The following TMEM263 variants were observed in gnomAD, a reference collection of about 807,000 sequenced individuals.
TMEM263 encodes UPF0444 transmembrane protein C12orf23.
TMEM263 carries 5 observed loss-of-function variants against 8.6 expected under a neutral mutation model. The ratio of observed to expected loss-of-function variants is 0.58; its 90% CI spans 0.31 to 1.23. TMEM263 has a LOEUF of 1.23. Among genes scored for constraint, TMEM263 ranks in the 50% most tolerant of loss-of-function variants. The probability of loss-of-function intolerance (pLI) is 0.07; values close to 1 mark genes in which losing one functional copy is unlikely to be tolerated. For synonymous variants in TMEM263, 50 were observed against 47.9 expected (o/e 1.04, Z -0.18); for missense variants, 104 against 138.8 (o/e 0.75, Z 1.26).
At chr12:106,961,129 A>G (rs1425559670) in intron 2 of TMEM263, among the ~76,000 whole-genome samples, 1 of 150,872 alleles carries the variant, frequency 6.6e-6, no homozygotes, top group Non-Finnish European at 1.5e-5. Flanking sequence ...ATCATGGCTC[A>G]CTGCAGCTGC....
At chr12:106,967,358 A>G (rs1023544301) in intron 3 of TMEM263, 178 bp downstream of exon 3, 1 of 450,580 alleles carries the variant, frequency 2.2e-6, no homozygotes, top group Non-Finnish European at 3.9e-6. Flanking sequence ...TCCTGGGTTC[A>G]AGCAGTTCTC....
Position 106,971,133 on chromosome 12 carries a change from G to T in TMEM263, c.93G>T (p.Gln31His). Residue 31 changes from glutamine to histidine, a missense_variant, in exon 4 of 4, where the codon CAG (glutamine) becomes CAT (histidine). Coordinates refer to ENST00000280756, the MANE Select transcript of TMEM263 (RefSeq NM_152261.4). ...CAATGAAAGATCACCCACAGCAGCAGCCAGGCATGTTGTCCCGTGTGACTG... is the reference window on the plus strand; with the variant it reads ...CAATGAAAGATCACCCACAGCAGCATCCAGGCATGTTGTCCCGTGTGACTG... Reference protein sequence around the residue: ...EGSMKDHPQQQPGMLSRVTGG... With the variant: ...EGSMKDHPQQHPGMLSRVTGG... The T allele has an allele frequency of 6.2e-7, 1 of 1,614,196 alleles. No individual in the cohort carries two copies. The highest frequency in any genetic ancestry group is 8.5e-7 in the Non-Finnish European group (1 of 1,180,036).
At chr12:106,956,917 C>T (rs1485585251) in intron 1 of TMEM263, 165 bp from the exon 2 acceptor site, 2 of 194,144 alleles carry the variant, frequency 1.0e-5, no homozygotes, top group South Asian at 1.7e-4. Flanking sequence ...TTGCTAGTGC[C>T]TAAAGGGATC....
rs1352551732 is a variant in TMEM263, at chr12:106,973,783, C to G, written c.*2392C>G. 6.6e-6 allele frequency: 1 copy of G among 152,598 alleles called. No homozygotes were observed. Among genetic ancestry groups the G allele is most frequent in the Non-Finnish European group, 1.5e-5 (1 of 68,034 alleles). The allele number at this position is 152,598 out of a possible 1,614,324, so 9.5% of individuals were successfully genotyped here. A position where few individuals can be genotyped will look rare whatever the true frequency, so the allele number is the denominator to read the frequency against. On this transcript the variant is annotated 3_prime_UTR_variant, in exon 4 of 4. Coordinates refer to ENST00000280756, the MANE Select transcript of TMEM263 (RefSeq NM_152261.4). The stretch of plus-strand genomic sequence containing the variant: ...TATACACCTGGAGGCATCTGTTATT[C>G]AGCTTATCCTTTGAGTGGGTATTTG...
In TMEM263 at chr12:106,971,546, G is replaced by A. The variant is rs74418526; in HGVS notation, c.*155G>A. ...GACTGGCTTTCATCTAAAAAGAAGA[G>A]ACCAATACGAGCACAGTATATGAAG... On this transcript the variant is annotated 3_prime_UTR_variant, in exon 4 of 4. Transcript: ENST00000280756. 1,462 of 744,252 alleles carry A rather than the reference G, an allele frequency of 2.0e-3. 22 individuals are homozygous for A. The African/African-American group carries it at 0.024, about 12-fold the overall frequency. 46.1% of individuals were successfully genotyped at this position (744,252 alleles called of 1,614,324 possible).
intron 1 of TMEM263, 50 bp downstream of exon 1, chr12:106,956,115 C>T (rs1326124727): frequency 6.0e-5 from 56 of 925,622 alleles, no homozygotes; most frequent in Non-Finnish European, 7.1e-5. Flanking sequence ...GCTTCCTGCC[C>T]TCCTCCGTCG....
rs1436893604 is a variant in TMEM263, at chr12:106,971,474, C to T, written c.*83C>T. The T allele has an allele frequency of 2.9e-6, 4 of 1,381,108 alleles. No homozygotes were observed. The African/African-American group carries it at 4.4e-5, about 15-fold the overall frequency. The allele number at this position is 1,381,108 out of a possible 1,614,324, so 85.6% of individuals were successfully genotyped here. The stretch of plus-strand genomic sequence containing the variant: ...AAATTATGGACTACAACCAAGTCAA[C>T]TGTTTTGGACGTTTATCTTCTAAAC... On this transcript the variant is annotated 3_prime_UTR_variant, in exon 4 of 4. Transcript: ENST00000280756.
Position 106,971,263 on chromosome 12 carries a change from G to C in TMEM263, c.223G>C (p.Val75Leu). The change falls in exon 4 of 4, where the codon GTG becomes CTG. Residue 75 changes from valine to leucine, a missense_variant. By Grantham distance (32) the Val-to-Leu change is conservative. Transcript: ENST00000280756. The part of the protein sequence containing the change: ...LEVTKTAVTT[V>L]PSMGIGLVKG... ...AGTGACCAAAACAGCTGTTACAACTGTGCCTTCCATGGGAATAGGGCTGGT... is the reference window on the plus strand; with the variant it reads ...AGTGACCAAAACAGCTGTTACAACTCTGCCTTCCATGGGAATAGGGCTGGT... The C allele has an allele frequency of 6.2e-7, 1 of 1,614,202 alleles. No individual in the cohort carries two copies. Among genetic ancestry groups the C allele is most frequent in the Non-Finnish European group, 8.5e-7 (1 of 1,180,040 alleles).
intron 2 of TMEM263, among the ~76,000 whole-genome samples, chr12:106,965,530 C>G (rs1324662774): frequency 6.6e-6 from 1 of 151,578 alleles, no homozygotes; most frequent in African/African-American, 2.4e-5. Context: ...TTACTTGAAC[C>G]TGGGAGGCAG....
chr12:106,967,225 T>A, intron 3 of TMEM263, 45 bp downstream of exon 3: 1 of 1,135,330 alleles, frequency 8.8e-7, no homozygotes, highest in Non-Finnish European at 1.3e-6. Flanking sequence ...ATATACTGAA[T>A]TAAAGTTCTG....
rs1299411191 is a variant in TMEM263 at position 106,971,252 on chromosome 12, C to T, written c.212C>T (p.Ala71Val). Residue 71 changes from alanine (A) to valine (V), a missense_variant, in exon 4 of 4, where the codon GCT becomes GTT. Coordinates refer to ENST00000280756, the MANE Select transcript of TMEM263 (RefSeq NM_152261.4). ...GGKSLEVTKT[A>V]VTTVPSMGIG... ...AAGAGTCTGGAAGTGACCAAAACAGCTGTTACAACTGTGCCTTCCATGGGA... is the reference window on the plus strand; with the variant it reads ...AAGAGTCTGGAAGTGACCAAAACAGTTGTTACAACTGTGCCTTCCATGGGA... 6.2e-7 allele frequency: 1 copy of T among 1,614,182 alleles called. No homozygotes were observed. The highest frequency in any genetic ancestry group is 8.5e-7 in the Non-Finnish European group (1 of 1,180,032).
chr12:106,967,568 T>C (rs1156588272), intron 3 of TMEM263, among the ~76,000 whole-genome samples: 1 of 152,082 alleles, frequency 6.6e-6, no homozygotes, highest in Non-Finnish European at 1.5e-5. Context: ...GCCCTGATTG[T>C]TTTTATTAAA....
chr12:106,964,700 CTATT>C (rs1304073311), intron 2 of TMEM263, among the ~76,000 whole-genome samples: 3 of 152,222 alleles, frequency 2.0e-5, no homozygotes, highest in African/African-American at 7.2e-5. Flanking sequence ...CAATTGAAAG[CTATT>C]TATTAAACAC....
intron 3 of TMEM263, among the ~76,000 whole-genome samples, chr12:106,970,770 A>G (rs1259756210): frequency 6.6e-6 from 1 of 152,156 alleles, no homozygotes; most frequent in African/African-American, 2.4e-5. Flanking sequence ...TTATTTTTTC[A>G]TGTTCCTTTT....
chr12:106,960,008 G>A (rs546040557), intron 2 of TMEM263, among the ~76,000 whole-genome samples: 4 of 152,186 alleles, frequency 2.6e-5, no homozygotes, highest in Admixed American at 1.3e-4. Context: ...AAGGTGTGAT[G>A]TACAAGATGC....
At position 106,957,083 on chromosome 12, in the gene TMEM263, C is replaced by T; in HGVS notation, c.-73C>T. On this transcript the variant is annotated splice_region_variant and 5_prime_UTR_variant, in exon 2 of 4. Transcript: ENST00000280756. ...TATTTGCTGTATGCTATTGTTTAGC[C>T]TTTGAAACTTCTGCTGGTGTGAGTG... is the stretch of plus-strand genomic sequence containing the variant. 1 of 985,310 alleles carries T rather than the reference C, an allele frequency of 1.0e-6. No homozygotes were observed. The highest frequency in any genetic ancestry group is 1.7e-5 in the African/African-American group (1 of 57,322). 61.0% of individuals were successfully genotyped at this position (985,310 alleles called of 1,614,324 possible).
chr12:106,962,323 C>T (rs952077745), intron 2 of TMEM263, among the ~76,000 whole-genome samples: 1 of 151,730 alleles, frequency 6.6e-6, no homozygotes, highest in Non-Finnish European at 1.5e-5. Context: ...ATGCCTTTTA[C>T]AGTCTCTAAA....
Position 106,972,442 on chromosome 12 carries a change from T to A in TMEM263, c.*1051T>A, listed in dbSNP as rs1951935541. 6.6e-6 allele frequency: 1 copy of A among 152,170 alleles called. No individual in the cohort carries two copies. The highest frequency in any genetic ancestry group is 2.1e-4 in the South Asian group (1 of 4,836). The allele number at this position is 152,170 out of a possible 1,614,324, so 9.4% of individuals were successfully genotyped here. On this transcript the variant is annotated 3_prime_UTR_variant, in exon 4 of 4. Transcript: ENST00000280756. ...AACACTGTAAAAGTAACCACAAATATGTGAGGACTTACTATTTTAAATGGA... is the reference window on the plus strand; with the variant it reads ...AACACTGTAAAAGTAACCACAAATAAGTGAGGACTTACTATTTTAAATGGA...
intron 2 of TMEM263, among the ~76,000 whole-genome samples, chr12:106,965,834 T>C (rs935584268): frequency 6.6e-6 from 1 of 152,062 alleles, no homozygotes; most frequent in African/African-American, 2.4e-5. Context: ...TTGAATTCTG[T>C]TAACTGCCTC....
Sources: gnomAD v4.1 joint callset for allele counts (sites outside exome capture counted in the v4.1 genomes callset) on GRCh38, gnomAD v4.1.1 for gene constraint, MANE v1.5 for transcripts, NCBI Gene and HGNC (gene_info 2026-07-23, HGNC 2026-07-21) for gene names.